Variants in CFAP45 observed in about 807,000 individuals in gnomAD.
CFAP45 encodes the protein cilia- and flagella-associated protein 45.
A neutral mutation model predicts 75.6 loss-of-function variants in CFAP45; 43 were observed. The ratio of observed to expected loss-of-function variants is 0.57; its 90% CI spans 0.45 to 0.73. The LOEUF is 0.73. Ranked by LOEUF, CFAP45 falls within the 30% of genes least tolerant of loss-of-function variation. The pLI, the probability that CFAP45 is intolerant of heterozygous loss-of-function variation, is 0.00. For missense variants in CFAP45, 689 were observed against 701.5 expected, an observed-to-expected ratio of 0.98 and a Z score of 0.20; for synonymous variants, 223 against 244.6, an observed-to-expected ratio of 0.91 and a Z score of 0.82.
chr1:159,896,281 T>C (rs1160403275), intron 1 of CFAP45, among the ~76,000 whole-genome samples: 1 of 152,178 alleles, frequency 6.6e-6, no homozygotes, highest in African/African-American at 2.4e-5. Context: ...CAGCAAGGAC[T>C]GCCTGAGCCA....
intron 2 of CFAP45, among the ~76,000 whole-genome samples, chr1:159,892,026 C>A (rs997801310): frequency 7.9e-5 from 12 of 152,156 alleles, no homozygotes; most frequent in African/African-American, 2.9e-4. Flanking sequence ...GAGACTTACG[C>A]CTGTAATCCC....
At position 159,872,988 on chromosome 1, in the gene CFAP45, A is replaced by ACGG; in HGVS notation, c.1530_1532dup (p.Arg511dup). 1.9e-6 allele frequency: 3 copies of ACGG among 1,614,202 alleles called. No homozygotes were observed. Among genetic ancestry groups the ACGG allele is most frequent in the Non-Finnish European group, 2.5e-6 (3 of 1,180,028 alleles). ...TCCTCTTGATCTCATCGATGCGCTC[A>ACGG]CGGCGTTTCTGGGCCTCCTCTTTGA... On this transcript the variant is annotated inframe_insertion, in exon 11 of 12. Transcript: ENST00000368099.
chr1:159,884,042 G>A (rs535772714), intron 7 of CFAP45, among the ~76,000 whole-genome samples: 9 of 152,314 alleles, frequency 5.9e-5, no homozygotes, highest in Admixed American at 3.3e-4. Context: ...AGTAACAGCA[G>A]GGAGTCTGGA....
At chr1:159,893,128 T>TG in intron 2 of CFAP45, 52 bp downstream of exon 2, 1 of 1,605,180 alleles carries the variant, frequency 6.2e-7, no homozygotes, top group Non-Finnish European at 8.5e-7. Context: ...GCTACATTTT[T>TG]GGGCCTCTGC....
At chr1:159,898,147 T>C (rs1649993922) in intron 1 of CFAP45, 1 of 985,390 alleles carries the variant, frequency 1.0e-6, no homozygotes, top group Non-Finnish European at 1.2e-6. Flanking sequence ...CTGGTTCTAC[T>C]TCCCTTTCTG....
chr1:159,875,811 G>A, intron 10 of CFAP45, among the ~76,000 whole-genome samples: 1 of 152,198 alleles, frequency 6.6e-6, no homozygotes, highest in East Asian at 1.9e-4. Context: ...GAGCAGAGAG[G>A]GAAACCAATG....
intron 9 of CFAP45, 81 bp from the exon 10 acceptor site, chr1:159,876,830 T>A: frequency 7.6e-7 from 1 of 1,319,148 alleles, no homozygotes; most frequent in Non-Finnish European, 1.1e-6. Context: ...GATACCTACT[T>A]ACAGACTCTG....
intron 2 of CFAP45, 49 bp downstream of exon 2, chr1:159,893,131 G>C (rs761820002): frequency 1.5e-5 from 24 of 1,606,428 alleles, no homozygotes; most frequent in Non-Finnish European, 1.7e-5. Flanking sequence ...ACATTTTTGG[G>C]CCTCTGCCTG....
At position 159,890,458 on chromosome 1, in the gene CFAP45, G is replaced by C. The variant is rs113986880; in HGVS notation, c.272+22C>G. ...AAAAGGATGAGGACTGGACATAGAA[G>C]GGCAGGGGACGGTGTACTCACATGA... On this transcript the variant is annotated intron_variant, in intron 3 of 11. Coordinates refer to ENST00000368099, the MANE Select transcript of CFAP45 (RefSeq NM_012337.3). 6,366 of 1,613,198 alleles carry C rather than the reference G, an allele frequency of 3.9e-3. 178 individuals carry two copies. The African/African-American group carries it at 0.066, about 17-fold the overall frequency.
chr1:159,899,946 C>G (rs538406393), intron 1 of CFAP45, 150 bp downstream of exon 1: 1 of 717,370 alleles, frequency 1.4e-6, no homozygotes, highest in African/African-American at 1.8e-5. Context: ...ACCTCAGGAT[C>G]TCCCTTGCTT....
chr1:159,887,105 T>C (rs1339080732), intron 5 of CFAP45, among the ~76,000 whole-genome samples: 1 of 152,220 alleles, frequency 6.6e-6, no homozygotes, highest in East Asian at 1.9e-4. Context: ...GTTGGACCCC[T>C]TGTTCTCCTC....
At position 159,890,585 on chromosome 1, in the gene CFAP45, A is replaced by G. The variant is rs1232382107; in HGVS notation, c.167T>C (p.Leu56Pro). 1 of 1,613,976 alleles carries G rather than the reference A, an allele frequency of 6.2e-7. No homozygotes were observed. The highest frequency in any genetic ancestry group is 8.5e-7 in the Non-Finnish European group (1 of 1,180,014). The change falls in exon 3 of 12, where the codon CTG (leucine) becomes CCG (proline). Residue 56 changes from leucine to proline, a missense_variant. By Grantham distance (98) the Leu-to-Pro change is moderately conservative. Transcript: ENST00000368099. ...TTGAAGGGTATGCTTATCTCGGAGCAGCACAATGGGGCTGTCGCTCTGGCC... is the reference window on the plus strand; with the variant it reads ...TTGAAGGGTATGCTTATCTCGGAGCGGCACAATGGGGCTGTCGCTCTGGCC... ...AQGQSDSPIV[L>P]LRDKHTLQKT...
intron 10 of CFAP45, 39 bp downstream of exon 10, chr1:159,876,517 T>C (rs748071128): frequency 1.4e-6 from 2 of 1,437,962 alleles, no homozygotes; most frequent in Non-Finnish European, 2.0e-6. Flanking sequence ...CCTGCTACAG[T>C]ACAAGGAAAG....
At chr1:159,876,781 A>C (rs1649415171) in intron 9 of CFAP45, 32 bp from the exon 10 acceptor site, 2 of 1,613,088 alleles carry the variant, frequency 1.2e-6, no homozygotes, top group African/African-American at 2.7e-5. Flanking sequence ...CAGTGAGGGC[A>C]CAAAATAGCT....
In CFAP45 at chr1:159,890,636, A is replaced by C. The variant is rs1413101010; in HGVS notation, c.130-14T>G. On this transcript the variant is annotated splice_polypyrimidine_tract_variant and intron_variant, in intron 2 of 11. Coordinates refer to ENST00000368099, the MANE Select transcript of CFAP45 (RefSeq NM_012337.3). ...CTGGGCTGGGGACTATGAGTTCAGA[A>C]AGAATAGCTTAGAAGCTTGTCACCC... is the stretch of plus-strand genomic sequence containing the variant. 1 of 1,613,690 alleles carries C rather than the reference A, an allele frequency of 6.2e-7. No homozygotes were observed. The highest frequency in any genetic ancestry group is 2.2e-5 in the East Asian group (1 of 44,880).
chr1:159,877,825 C>T (rs1649439598), intron 8 of CFAP45, among the ~76,000 whole-genome samples: 2 of 152,126 alleles, frequency 1.3e-5, no homozygotes, highest in South Asian at 2.1e-4. Flanking sequence ...TGCAGTGAAT[C>T]ATGATTGCAT....
chr1:159,880,418 C>CTTG, intron 8 of CFAP45, 136 bp downstream of exon 8: 1 of 757,580 alleles, frequency 1.3e-6, no homozygotes, highest in Admixed American at 2.5e-5. Context: ...AGAAGCCAGG[C>CTTG]CCTTGAACTA....
intron 3 of CFAP45, among the ~76,000 whole-genome samples, chr1:159,889,693 C>T (rs1649782417): frequency 6.6e-6 from 1 of 152,318 alleles, no homozygotes; most frequent in Admixed American, 6.5e-5. Context: ...CACATCTGGC[C>T]ACTTGATGCC....
rs767605282 is a variant in CFAP45, at chr1:159,884,558, G to T, written c.775C>A (p.Arg259=). The T allele has an allele frequency of 6.2e-7, 1 of 1,613,004 alleles. No homozygotes were observed. Among genetic ancestry groups the T allele is most frequent in the Non-Finnish European group, 8.5e-7 (1 of 1,179,712 alleles). ...KRREERIRGR[R]QIVEQMEKNQ... ...TTTTCCATCTGTTCCACAATTTGCC[G>T]CCTTCCTCTTGGAGAGAACAGTGCC... Residue 259 remains arginine (R), a synonymous_variant, in exon 7 of 12, where the codon CGG becomes AGG. Coordinates refer to ENST00000368099, the MANE Select transcript of CFAP45 (RefSeq NM_012337.3).
Sources: allele counts gnomAD v4.1 joint callset (sites outside exome capture counted in the v4.1 genomes callset), GRCh38; gene constraint gnomAD v4.1.1; transcripts MANE v1.5; gene names NCBI Gene and HGNC (gene_info 2026-07-23, HGNC 2026-07-21).